Variants in MAPK10 observed in about 807,000 individuals in gnomAD.
MAPK10 encodes mitogen-activated protein kinase 10, also known as JNK3 alpha protein kinase.
Under a neutral mutation model 59.3 loss-of-function variants are expected in MAPK10, and 25 were observed. The observed-to-expected ratio is 0.42, with a 90% confidence interval of 0.31 to 0.59. MAPK10 has a LOEUF of 0.59. Ranked by LOEUF, MAPK10 falls within the 20% of genes least tolerant of loss-of-function variation. The pLI, the probability that MAPK10 is intolerant of heterozygous loss-of-function variation, is 0.15. For missense variants in MAPK10, 351 were observed against 568.9 expected (o/e 0.62, Z 3.90); for synonymous variants, 190 against 200.5 (o/e 0.95, Z 0.44).
At chr4:86,406,839 TG>T (rs1333423162) in intron 1 of MAPK10, among the ~76,000 whole-genome samples, 1 of 152,184 alleles carries the variant, frequency 6.6e-6, no homozygotes, top group Non-Finnish European at 1.5e-5. Context: ...AGCCCAGTGG[TG>T]GCAGGCTGGG....
At chr4:86,514,942 C>G (rs1337018952) in intron 1 of MAPK10, among the ~76,000 whole-genome samples, 1 of 152,122 alleles carries the variant, frequency 6.6e-6, no homozygotes, top group Admixed American at 6.5e-5. Context: ...TTGGTGCACC[C>G]ATCACCTGAG....
intron 1 of MAPK10, among the ~76,000 whole-genome samples, chr4:86,557,705 A>T (rs900339337): frequency 6.6e-5 from 10 of 152,116 alleles, no homozygotes; most frequent in African/African-American, 2.4e-4. Context: ...TTTTCCTAAT[A>T]TAGAGTGTAG....
At chr4:86,585,128 C>T (rs2149114409) in intron 1 of MAPK10, among the ~76,000 whole-genome samples, 1 of 152,216 alleles carries the variant, frequency 6.6e-6, no homozygotes, top group East Asian at 1.9e-4. Flanking sequence ...TGATTAAAGG[C>T]AGTAGAGTTT....
chr4:86,177,809 G>T (rs913593075), intron 3 of MAPK10, among the ~76,000 whole-genome samples: 2 of 151,858 alleles, frequency 1.3e-5, no homozygotes, highest in Non-Finnish European at 2.9e-5. Flanking sequence ...AAAAGTAATA[G>T]TAAATCAAGT....
chr4:86,196,959 G>A (rs900786170), intron 2 of MAPK10, among the ~76,000 whole-genome samples: 2 of 152,158 alleles, frequency 1.3e-5, no homozygotes, highest in Admixed American at 6.6e-5. Flanking sequence ...TTTGGTTACT[G>A]TAGCCTTGTA....
At chr4:86,072,399 A>C (rs956080127) in intron 9 of MAPK10, among the ~76,000 whole-genome samples, 5 of 146,980 alleles carry the variant, frequency 3.4e-5, no homozygotes, top group African/African-American at 1.3e-4. Context: ...TCTCCTGTCT[A>C]ATTGCCCTGG....
At chr4:86,487,360 A>AGT (rs1344194192) in intron 1 of MAPK10, among the ~76,000 whole-genome samples, 294 of 33,042 alleles carry the variant, frequency 8.9e-3, no homozygotes, top group African/African-American at 0.019. Context: ...AGAGAGAGAG[A>AGT]GAGTGTGTGT....
At chr4:86,522,855 T>C (rs1757216904) in intron 1 of MAPK10, among the ~76,000 whole-genome samples, 1 of 152,240 alleles carries the variant, frequency 6.6e-6, no homozygotes, top group Admixed American at 6.5e-5. Context: ...GAAAAGCCAT[T>C]GTGACTTACA....
intron 1 of MAPK10, among the ~76,000 whole-genome samples, chr4:86,388,318 A>G (rs1316098854): frequency 1.3e-5 from 2 of 152,186 alleles, no homozygotes; most frequent in Non-Finnish European, 2.9e-5. Context: ...AAACATTCAT[A>G]TATTTTATAG....
At chr4:86,054,353 A>G (rs1255704254) in intron 11 of MAPK10, among the ~76,000 whole-genome samples, 1 of 152,216 alleles carries the variant, frequency 6.6e-6, no homozygotes. Context: ...AGCTCCCACC[A>G]ACATAATACA....
intron 2 of MAPK10, among the ~76,000 whole-genome samples, chr4:86,341,246 C>T (rs577505278): frequency 8.9e-4 from 136 of 152,288 alleles, no homozygotes; most frequent in Admixed American, 1.5e-3. Flanking sequence ...ATTAGAAAGA[C>T]GAGCTTTGGT....
intron 1 of MAPK10, among the ~76,000 whole-genome samples, chr4:86,421,022 C>T (rs1480668498): frequency 1.3e-5 from 2 of 151,812 alleles, no homozygotes; most frequent in Non-Finnish European, 2.9e-5. Flanking sequence ...GCAGAGGTTG[C>T]AGTGAGCCGA....
At chr4:86,319,507 G>A (rs1007277354) in intron 2 of MAPK10, among the ~76,000 whole-genome samples, 2 of 152,180 alleles carry the variant, frequency 1.3e-5, no homozygotes, top group Non-Finnish European at 2.9e-5. Context: ...ATGATATTAT[G>A]AGAAAGTCAG....
rs551490747 is a variant in MAPK10 at position 86,384,746 on chromosome 4, A to G, written c.-121-30102T>C. 1.2e-4 allele frequency among the ~76,000 whole-genome samples: 18 copies of G among 152,332 alleles called. No homozygotes were observed. The South Asian group carries it at 3.3e-3, about 28-fold the overall frequency. On this transcript the variant is annotated intron_variant, in intron 1 of 13. Transcript: ENST00000361569. ...GTAGGATTAGATGTACAAGCTGACA[A>G]AAGTGTTTTATTTATGATATTTCAC... is the stretch of plus-strand genomic sequence containing the variant.
intron 1 of MAPK10, among the ~76,000 whole-genome samples, chr4:86,366,137 C>CA (rs1354243922): frequency 2.0e-5 from 3 of 151,680 alleles, no homozygotes; most frequent in South Asian, 4.2e-4. Flanking sequence ...AGAAATAAGA[C>CA]AAAAAAGAGT....
intron 11 of MAPK10, among the ~76,000 whole-genome samples, chr4:86,054,574 C>A (rs891577082): frequency 6.6e-6 from 1 of 152,150 alleles, no homozygotes; most frequent in African/African-American, 2.4e-5. Context: ...TAACTTTCCC[C>A]AAGCAAATGA....
chr4:86,059,084 A>G (rs1007941002), intron 11 of MAPK10, among the ~76,000 whole-genome samples: 1 of 152,224 alleles, frequency 6.6e-6, no homozygotes, highest in Non-Finnish European at 1.5e-5. Flanking sequence ...ATAGGCATAC[A>G]CAATATCAAA....
intron 2 of MAPK10, among the ~76,000 whole-genome samples, chr4:86,236,299 C>G (rs2092221957): frequency 6.6e-6 from 1 of 152,098 alleles, no homozygotes; most frequent in Admixed American, 6.6e-5. Context: ...TTCAGAGGTT[C>G]CAGGAATTAG....
intron 1 of MAPK10, among the ~76,000 whole-genome samples, chr4:86,592,684 A>T (rs1388488300): frequency 6.6e-6 from 1 of 152,188 alleles, no homozygotes; most frequent in Non-Finnish European, 1.5e-5. Context: ...TGTGTTTCCC[A>T]TCCAAGGAGC....
Sources: gnomAD v4.1 joint callset for allele counts (sites outside exome capture counted in the v4.1 genomes callset) on GRCh38, gnomAD v4.1.1 for gene constraint, MANE v1.5 for transcripts, NCBI Gene and HGNC (gene_info 2026-07-23, HGNC 2026-07-21) for gene names.